The following MANEA variants were observed in gnomAD, a reference collection of about 807,000 sequenced individuals.
MANEA encodes the protein mannosidase endo-alpha.
In MANEA, 25 loss-of-function variants were observed where a neutral mutation model predicts 36.8. The ratio of observed to expected loss-of-function variants is 0.68; its 90% CI spans 0.50 to 0.95. The LOEUF is 0.95. MANEA is among the 40% of genes least tolerant of loss of function. The pLI is 0.00. For synonymous variants in MANEA, 198 were observed against 188.5 expected (o/e 1.05, Z -0.41); for missense variants, 565 against 558.8 (o/e 1.01, Z -0.11).
chr6:95,585,725 A>G (rs1231883981), intron 1 of MANEA, among the ~76,000 whole-genome samples: 1 of 152,236 alleles, frequency 6.6e-6, no homozygotes, highest in Non-Finnish European at 1.5e-5. Context: ...AATGTTATTT[A>G]AAATTTGTAA....
chr6:95,591,154 T>C (rs1039079770), intron 2 of MANEA, among the ~76,000 whole-genome samples: 3 of 152,222 alleles, frequency 2.0e-5, no homozygotes, highest in Non-Finnish European at 4.4e-5. Context: ...GTTTTTTACA[T>C]TTATTCCATT....
At position 95,580,992 on chromosome 6, in the gene MANEA, T is replaced by C. The variant is rs144737180; in HGVS notation, c.-39+3354T>C. On this transcript the variant is annotated intron_variant, in intron 1 of 4. Transcript: ENST00000358812. ...ACAATTGCTCATTTATTTAGTCTTA[T>C]ACTAAGCCACATGATTTTGAGAGTT... is the stretch of plus-strand genomic sequence containing the variant. Among the ~76,000 whole-genome samples, 161 of 152,292 alleles carry C rather than the reference T, an allele frequency of 1.1e-3. 1 individual carries two copies. Among genetic ancestry groups the C allele is most frequent in the African/African-American group, 3.8e-3 (157 of 41,572 alleles).
chr6:95,595,140 A>C (rs972614018), intron 2 of MANEA, among the ~76,000 whole-genome samples: 1 of 152,038 alleles, frequency 6.6e-6, no homozygotes, highest in South Asian at 2.1e-4. Context: ...TCTGTTGTTT[A>C]ATATTTTTTC....
Position 95,604,836 on chromosome 6 carries a change from C to A in MANEA, c.664C>A (p.His222Asn). The A allele has an allele frequency of 6.9e-7, 1 of 1,445,206 alleles. No individual in the cohort carries two copies. Among genetic ancestry groups the A allele is most frequent in the Non-Finnish European group, 9.4e-7 (1 of 1,068,612 alleles). The allele number at this position is 1,445,206 out of a possible 1,614,324, so 89.5% of individuals were successfully genotyped here. ...TTATTGTTTGTTTTAGGTTACTTTTCACATAGAACCATATAGCAATCGAGA... is the reference window on the plus strand; with the variant it reads ...TTATTGTTTGTTTTAGGTTACTTTTAACATAGAACCATATAGCAATCGAGA... ...AHKYNLKVTF[H>N]IEPYSNRDDQ... The change falls in exon 4 of 5, where the codon CAC becomes AAC. Residue 222 changes from histidine to asparagine, a missense_variant. Coordinates refer to ENST00000358812, the MANE Select transcript of MANEA (RefSeq NM_024641.4).
At chr6:95,604,702 G>A (rs1769666540) in intron 3 of MANEA, 125 bp from the exon 4 acceptor site, 2 of 452,420 alleles carry the variant, frequency 4.4e-6, no homozygotes, top group Non-Finnish European at 7.9e-6. Flanking sequence ...TAGTTTCTGT[G>A]TTCAATAAAT....
intron 3 of MANEA, among the ~76,000 whole-genome samples, chr6:95,604,260 T>C (rs1177764778): frequency 6.6e-6 from 1 of 151,920 alleles, no homozygotes; most frequent in Non-Finnish European, 1.5e-5. Context: ...TATATGTAAA[T>C]AAATTTGCTA....
chr6:95,585,002 C>T (rs7758062), intron 1 of MANEA, among the ~76,000 whole-genome samples: 90,785 of 152,002 alleles, frequency 0.6, 27,517 homozygotes, highest in East Asian at 0.87. Context: ...ATAACAGCAC[C>T]GTATCATAGA....
chr6:95,582,171 ATCTTTTTTTTTT>A (rs1769195595), intron 1 of MANEA, among the ~76,000 whole-genome samples: 3 of 127,342 alleles, frequency 2.4e-5, no homozygotes, highest in African/African-American at 8.7e-5. Flanking sequence ...TGGTTGTATC[ATCTTTTTTTTTT>A]TTTTTTTTTT....
Position 95,607,245 on chromosome 6 carries a change from A to G in MANEA, c.*840A>G, listed in dbSNP as rs996637862. 3.9e-5 allele frequency: 6 copies of G among 152,108 alleles called. No individual in the cohort carries two copies. Among genetic ancestry groups the G allele is most frequent in the African/African-American group, 1.4e-4 (6 of 41,448 alleles). The allele number at this position is 152,108 out of a possible 1,614,324, so 9.4% of individuals were successfully genotyped here. A position where few individuals can be genotyped will look rare whatever the true frequency, so the allele number is the denominator to read the frequency against. The stretch of plus-strand genomic sequence containing the variant: ...GTTATTAGGAAAACAGTTGTTTCAC[A>G]ATTATTATGTAGATATGATGCCCAA... On this transcript the variant is annotated 3_prime_UTR_variant, in exon 5 of 5. Coordinates refer to ENST00000358812, the MANE Select transcript of MANEA (RefSeq NM_024641.4).
intron 3 of MANEA, among the ~76,000 whole-genome samples, chr6:95,599,879 T>C (rs1037898887): frequency 1.3e-5 from 2 of 152,212 alleles, no homozygotes; most frequent in African/African-American, 4.8e-5. Flanking sequence ...TGAGTTCTTA[T>C]TGGCATTTGA....
At chr6:95,583,029 T>A (rs888365757) in intron 1 of MANEA, among the ~76,000 whole-genome samples, 4 of 152,186 alleles carry the variant, frequency 2.6e-5, no homozygotes, top group African/African-American at 7.2e-5. Context: ...CTAGTTTAAA[T>A]TGGTGTTTTG....
Position 95,608,991 on chromosome 6 carries a change from A to G in MANEA, c.*2586A>G, listed in dbSNP as rs1769769578. On this transcript the variant is annotated 3_prime_UTR_variant, in exon 5 of 5. Coordinates refer to ENST00000358812, the MANE Select transcript of MANEA (RefSeq NM_024641.4). Reference sequence around the variant, plus strand: ...TAAGGTGAGCCAACTGCATTAGGAAATAACTCTAATAATTCTGTTAATTCT... The same window carrying G: ...TAAGGTGAGCCAACTGCATTAGGAAGTAACTCTAATAATTCTGTTAATTCT... 6.6e-6 allele frequency: 1 copy of G among 151,134 alleles called. No homozygotes were observed. Among genetic ancestry groups the G allele is most frequent in the South Asian group, 2.1e-4 (1 of 4,806 alleles). 9.4% of individuals were successfully genotyped at this position (151,134 alleles called of 1,614,324 possible). A position where few individuals can be genotyped will look rare whatever the true frequency, so the allele number is the denominator to read the frequency against.
rs999679310 is a variant in MANEA, at chr6:95,608,684, C to T, written c.*2279C>T. Reference sequence around the variant, plus strand: ...TAATAAAATAATTACAGTCATCCCTCAGTGTCTGTGGGGGATTGGTTCCAG... The same window carrying T: ...TAATAAAATAATTACAGTCATCCCTTAGTGTCTGTGGGGGATTGGTTCCAG... On this transcript the variant is annotated 3_prime_UTR_variant, in exon 5 of 5. Coordinates refer to ENST00000358812, the MANE Select transcript of MANEA (RefSeq NM_024641.4). The T allele has an allele frequency of 6.6e-6, 1 of 151,738 alleles. No homozygotes were observed. The highest frequency in any genetic ancestry group is 2.4e-5 in the African/African-American group (1 of 41,380). The allele number at this position is 151,738 out of a possible 1,614,324, so 9.4% of individuals were successfully genotyped here.
chr6:95,581,435 T>C (rs1423009263), intron 1 of MANEA, among the ~76,000 whole-genome samples: 1 of 152,150 alleles, frequency 6.6e-6, no homozygotes, highest in Non-Finnish European at 1.5e-5. Flanking sequence ...TAAATGGACA[T>C]TTTGTGCTTT....
intron 3 of MANEA, among the ~76,000 whole-genome samples, chr6:95,598,143 T>G (rs981617459): frequency 1.1e-4 from 17 of 152,176 alleles, no homozygotes; most frequent in Admixed American, 2.6e-4. Context: ...CCCCAAAGTG[T>G]CAGGTTTACC....
chr6:95,577,701 A>G (rs984720255), intron 1 of MANEA, 63 bp downstream of exon 1: 1 of 152,228 alleles, frequency 6.6e-6, no homozygotes, highest in Non-Finnish European at 1.5e-5. Context: ...GGCAGGCACG[A>G]GGTCCACCGC....
chr6:95,592,390 C>T (rs533050263), intron 2 of MANEA, among the ~76,000 whole-genome samples: 61 of 152,286 alleles, frequency 4.0e-4, no homozygotes, highest in African/African-American at 1.4e-3. Flanking sequence ...ATGATTCCAA[C>T]GTATCTCATT....
intron 3 of MANEA, among the ~76,000 whole-genome samples, chr6:95,600,540 A>G (rs1769567767): frequency 6.6e-6 from 1 of 152,190 alleles, no homozygotes. Context: ...GTTTTTTTAA[A>G]GAATGGAAAA....
At chr6:95,577,751 G>C (rs980249229) in intron 1 of MANEA, 113 bp downstream of exon 1, 1 of 152,268 alleles carries the variant, frequency 6.6e-6, no homozygotes, top group Non-Finnish European at 1.5e-5. Flanking sequence ...TCTGGTGGCC[G>C]CTTTCCTCCG....
Sources: allele counts gnomAD v4.1 joint callset (sites outside exome capture counted in the v4.1 genomes callset), GRCh38; gene constraint gnomAD v4.1.1; transcripts MANE v1.5; gene names NCBI Gene and HGNC (gene_info 2026-07-23, HGNC 2026-07-21).